The following PEG3 variants were observed in gnomAD, a reference collection of about 807,000 sequenced individuals.
PEG3 encodes paternally expressed 3.
PEG3 carries 23 observed loss-of-function variants against 35.5 expected under a neutral mutation model. The ratio of observed to expected loss-of-function variants is 0.65; its 90% CI spans 0.47 to 0.92. The LOEUF (loss-of-function observed/expected upper bound fraction) is 0.92, where lower values mean the gene tolerates loss of function less well. PEG3 is among the 40% of genes least tolerant of loss of function. PEG3 has a pLI of 0.00. For synonymous variants in PEG3, 707 were observed against 697.0 expected (o/e 1.01, Z -0.23); for missense variants, 1,960 against 1,985.3 (o/e 0.99, Z 0.24).
rs10407440 is a variant in PEG3 at position 56,829,308 on chromosome 19, C to T, written c.-162-2845G>A. Among the ~76,000 whole-genome samples the T allele has an allele frequency of 6.3e-3, 927 of 147,846 alleles. 10 individuals are homozygous for T. Among genetic ancestry groups the T allele is most frequent in the African/African-American group, 0.022 (856 of 39,728 alleles). On this transcript the variant is annotated intron_variant, in intron 2 of 9. Coordinates refer to ENST00000326441, the MANE Select transcript of PEG3 (RefSeq NM_006210.3). ...GCAGTGAGCCAAAATCGCACCACTG[C>T]GCTCCAGCCTGGGCAACAGAGCGAG...
At chr19:56,837,196 G>A (rs1339936016) in intron 1 of PEG3, among the ~76,000 whole-genome samples, 2 of 151,962 alleles carry the variant, frequency 1.3e-5, no homozygotes, top group Admixed American at 1.3e-4. Context: ...GCCCTCTAGC[G>A]GCTCTGCTCA....
intron 2 of PEG3, among the ~76,000 whole-genome samples, chr19:56,835,672 C>T (rs2062021709): frequency 6.6e-6 from 1 of 152,256 alleles, no homozygotes; most frequent in African/African-American, 2.4e-5. Context: ...CCCATTGGGG[C>T]TATGTCCCAG....
At chr19:56,829,783 C>T (rs903124275) in intron 2 of PEG3, among the ~76,000 whole-genome samples, 15 of 152,232 alleles carry the variant, frequency 9.9e-5, no homozygotes, top group Non-Finnish European at 1.6e-4. Flanking sequence ...ACATACTTAC[C>T]TCACCCTGAC....
intron 7 of PEG3, among the ~76,000 whole-genome samples, chr19:56,821,070 ATT>A (rs1042294834): frequency 2.4e-4 from 37 of 152,344 alleles, no homozygotes; most frequent in African/African-American, 8.9e-4. Flanking sequence ...AACTGCCATA[ATT>A]GTTAACATTT....
chr19:56,812,692 T>C lies in PEG3; in HGVS notation c.*983A>G. 1.0e-6 allele frequency: 1 copy of C among 984,762 alleles called. No homozygotes were observed. The highest frequency in any genetic ancestry group is 1.7e-5 in the African/African-American group (1 of 57,330). The allele number at this position is 984,762 out of a possible 1,614,324, so 61.0% of individuals were successfully genotyped here. A position where few individuals can be genotyped will look rare whatever the true frequency, so the allele number is the denominator to read the frequency against. On this transcript the variant is annotated 3_prime_UTR_variant, in exon 10 of 10. Transcript: ENST00000326441. Reference sequence around the variant, plus strand: ...AGAGCCTCTCCTACGGTTCTCAACCTTCATTAGGCACTACTGTGATCTAGT... The same window carrying C: ...AGAGCCTCTCCTACGGTTCTCAACCCTCATTAGGCACTACTGTGATCTAGT...
intron 2 of PEG3, among the ~76,000 whole-genome samples, chr19:56,830,249 C>T (rs2061450135): frequency 6.6e-6 from 1 of 152,184 alleles, no homozygotes; most frequent in South Asian, 2.1e-4. Context: ...TAAACCCAAA[C>T]TAACAAAGTC....
At position 56,817,575 on chromosome 19, in the gene PEG3, T is replaced by C. The variant is rs1304851708; in HGVS notation, c.867A>G (p.Leu289=). ...RSAYPSTSRG[L]KTMPEAKKST... ...ATTTTTTGGCTTCAGGCATAGTTTT[T>C]AGACCTGGAAAGAAACCCCAAATGT... The change falls in exon 10 of 10, where the codon CTA becomes CTG. Residue 289 remains leucine (L), a synonymous_variant. Coordinates refer to ENST00000326441, the MANE Select transcript of PEG3 (RefSeq NM_006210.3). 3.2e-6 allele frequency: 5 copies of C among 1,585,848 alleles called. No homozygotes were observed. Among genetic ancestry groups the C allele is most frequent in the Non-Finnish European group, 4.3e-6 (5 of 1,165,718 alleles).
chr19:56,837,831 G>A lies in PEG3; in HGVS notation c.-249-1727C>T, dbSNP rs879192267. 1.6e-4 allele frequency among the ~76,000 whole-genome samples: 24 copies of A among 151,342 alleles called. 1 individual carries two copies. Among genetic ancestry groups the A allele is most frequent in the African/African-American group, 4.1e-4 (17 of 41,246 alleles). ...TGCGCAGTACACCTCTGCTGCCCCCGCCACCGGCCAACACACGTGGTACTA... is the reference window on the plus strand; with the variant it reads ...TGCGCAGTACACCTCTGCTGCCCCCACCACCGGCCAACACACGTGGTACTA... On this transcript the variant is annotated intron_variant, in intron 1 of 9. Coordinates refer to ENST00000326441, the MANE Select transcript of PEG3 (RefSeq NM_006210.3).
chr19:56,815,634 A>G lies in PEG3; in HGVS notation c.2808T>C (p.Arg936=). 6.2e-7 allele frequency: 1 copy of G among 1,614,168 alleles called. No individual in the cohort carries two copies. Among genetic ancestry groups the G allele is most frequent in the Non-Finnish European group, 8.5e-7 (1 of 1,180,030 alleles). The stretch of plus-strand genomic sequence containing the variant: ...TATGCTCAATGTATTTCTTTTTAGC[A>G]CGAGCCTTCTGGTATTCACGGACAT... ...SSNVREYQKA[R]AKKKYIEHRS... The change falls in exon 10 of 10, where the codon CGT becomes CGC. Residue 936 remains arginine (R), a synonymous_variant. Transcript: ENST00000326441.
chr19:56,815,597 T>A lies in PEG3; in HGVS notation c.2845A>T (p.Thr949Ser). 6.2e-7 allele frequency: 1 copy of A among 1,614,088 alleles called. No homozygotes were observed. The highest frequency in any genetic ancestry group is 2.2e-5 in the East Asian group (1 of 44,872). Residue 949 changes from threonine to serine, a missense_variant, in exon 10 of 10, where the codon ACC becomes TCC. Thr to Ser is a moderately conservative substitution (Grantham distance 58). Transcript: ENST00000326441. Reference sequence around the variant, plus strand: ...AAAGGCAGAGAGTGAATTACAGAGGTCTCATTGCTCCTATGCTCAATGTAT... The same window carrying A: ...AAAGGCAGAGAGTGAATTACAGAGGACTCATTGCTCCTATGCTCAATGTAT... ...KKYIEHRSNE[T>S]SVIHSLPFGE...
At chr19:56,838,895 G>A (rs982858172) in intron 1 of PEG3, among the ~76,000 whole-genome samples, 3 of 152,124 alleles carry the variant, frequency 2.0e-5, no homozygotes, top group East Asian at 1.9e-4. Context: ...AACCGCAGCC[G>A]CCCCGATCAA....
Position 56,821,731 on chromosome 19 carries a change from G to A in PEG3, c.589C>T (p.Leu197Phe), listed in dbSNP as rs2146303649. Residue 197 changes from leucine to phenylalanine, a missense_variant, in exon 7 of 10, where the codon CTT becomes TTT. By Grantham distance (22) the Leu-to-Phe change is conservative (BLOSUM62 0). Around this residue, in one of 5 missense-constraint regions of PEG3, gnomAD observed 613 missense variants for 577.1 expected, o/e 1.06. Transcript: ENST00000326441. The part of the protein sequence containing the change: ...RSRMPPRDLS[L>F]PVVAKTSFEM... ...AAGCTTGTTTTCGCCACCACAGGAA[G>A]GGAAAGATCCCGCGGAGGCATCCCT... 2.5e-6 allele frequency: 4 copies of A among 1,614,062 alleles called. No homozygotes were observed. Among genetic ancestry groups the A allele is most frequent in the Non-Finnish European group, 3.4e-6 (4 of 1,180,028 alleles).
intron 2 of PEG3, among the ~76,000 whole-genome samples, chr19:56,830,673 G>T (rs746193771): frequency 1.1e-4 from 17 of 152,122 alleles, no homozygotes; most frequent in Non-Finnish European, 1.2e-4. Context: ...TACAGCAAGA[G>T]AAATAATTCC....
chr19:56,825,864 T>C (rs770752704), intron 3 of PEG3, among the ~76,000 whole-genome samples: 1 of 152,006 alleles, frequency 6.6e-6, no homozygotes, highest in Admixed American at 6.6e-5. Flanking sequence ...TTATTCAGAG[T>C]CTCTCATTAG....
At chr19:56,829,211 C>T (rs1477466306) in intron 2 of PEG3, among the ~76,000 whole-genome samples, 1 of 151,810 alleles carries the variant, frequency 6.6e-6, no homozygotes, top group Non-Finnish European at 1.5e-5. Context: ...ATTAGCTGGG[C>T]GTGGTGGCAG....
At chr19:56,818,518 T>G (rs2060192024) in intron 8 of PEG3, 82 bp downstream of exon 8, 1 of 1,469,130 alleles carries the variant, frequency 6.8e-7, no homozygotes, top group Non-Finnish European at 9.5e-7. Context: ...ATGTGGACTC[T>G]AACATCCAGC....
Position 56,812,911 on chromosome 19 carries a change from T to C in PEG3, c.*764A>G. On this transcript the variant is annotated 3_prime_UTR_variant, in exon 10 of 10. Transcript: ENST00000326441. Reference sequence around the variant, plus strand: ...ACATGTGGCAACCAATCAATCTGGGTCACAAAAAGCCAATCCGTATATTGT... The same window carrying C: ...ACATGTGGCAACCAATCAATCTGGGCCACAAAAAGCCAATCCGTATATTGT... 2 of 985,422 alleles carry C rather than the reference T, an allele frequency of 2.0e-6. No homozygotes were observed. Among genetic ancestry groups the C allele is most frequent in the Non-Finnish European group, 2.4e-6 (2 of 829,866 alleles). 61.0% of individuals were successfully genotyped at this position (985,422 alleles called of 1,614,324 possible).
chr19:56,822,158 A>T (rs188692262), intron 6 of PEG3, among the ~76,000 whole-genome samples: 57 of 152,236 alleles, frequency 3.7e-4, no homozygotes, highest in Non-Finnish European at 7.1e-4. Context: ...TTGTGTTGTG[A>T]ACCGTCACTA....
intron 7 of PEG3, among the ~76,000 whole-genome samples, chr19:56,820,034 T>G (rs922789693): frequency 6.6e-6 from 1 of 152,156 alleles, no homozygotes; most frequent in Non-Finnish European, 1.5e-5. Context: ...TTTTTTCACA[T>G]GAAAGAAAAA....
Sources: gnomAD v4.1 joint callset for allele counts (sites outside exome capture counted in the v4.1 genomes callset) on GRCh38, gnomAD v4.1.1 for gene constraint, gnomAD v4.1.1 regional missense constraint, MANE v1.5 for transcripts, NCBI Gene and HGNC (gene_info 2026-07-23, HGNC 2026-07-21) for gene names.